The following CNBD1 variants were observed in gnomAD, a reference collection of about 807,000 sequenced individuals.
The protein encoded by CNBD1 is cyclic nucleotide binding domain containing 1, also known as cyclic nucleotide-binding domain-containing protein 1.
CNBD1 carries 71 observed loss-of-function variants against 54.4 expected under a neutral mutation model. The ratio of observed to expected loss-of-function variants is 1.30; its 90% CI spans 1.08 to 1.59. The LOEUF (loss-of-function observed/expected upper bound fraction) is 1.59, where lower values mean the gene tolerates loss of function less well. Ranked by LOEUF, CNBD1 falls within the 40% of genes most tolerant of loss-of-function variation. The probability of loss-of-function intolerance (pLI) is 0.00; values close to 1 mark genes in which losing one functional copy is unlikely to be tolerated. For missense variants in CNBD1, 659 were observed against 518.0 expected (o/e 1.27, Z -2.64); for synonymous variants, 182 against 170.7 (o/e 1.07, Z -0.51).
intron 4 of CNBD1, among the ~76,000 whole-genome samples, chr8:87,134,250 TA>T (rs1812179499): frequency 6.6e-6 from 1 of 152,140 alleles, no homozygotes; most frequent in East Asian, 1.9e-4. Flanking sequence ...CAATGCACAA[TA>T]GTTAACATGG....
At chr8:86,950,350 G>A (rs780036907) in intron 4 of CNBD1, among the ~76,000 whole-genome samples, 2 of 152,096 alleles carry the variant, frequency 1.3e-5, no homozygotes, top group African/African-American at 4.8e-5. Flanking sequence ...TTACAGGCAT[G>A]AGCCACTGTG....
chr8:86,976,550 A>C (rs1413203877), intron 4 of CNBD1, among the ~76,000 whole-genome samples: 1 of 151,976 alleles, frequency 6.6e-6, no homozygotes, highest in Non-Finnish European at 1.5e-5. Flanking sequence ...ATATTAGAAT[A>C]GTTTTTTTCT....
chr8:87,327,792 C>A (rs188595776), intron 8 of CNBD1, among the ~76,000 whole-genome samples: 4 of 152,112 alleles, frequency 2.6e-5, no homozygotes, highest in Admixed American at 2.6e-4. Context: ...AGCTGTAGAC[C>A]GGAGCTGTTC....
intron 10 of CNBD1, among the ~76,000 whole-genome samples, chr8:87,379,338 C>G (rs113402798): frequency 0.019 from 2,830 of 151,924 alleles, 91 homozygotes; most frequent in African/African-American, 0.062. Flanking sequence ...AGAAAGTCAA[C>G]AAGGATACCC....
chr8:87,314,038 G>A (rs1333787688), intron 8 of CNBD1, among the ~76,000 whole-genome samples: 1 of 151,846 alleles, frequency 6.6e-6, no homozygotes, highest in East Asian at 1.9e-4. Flanking sequence ...TGTAATAATA[G>A]CATGAATGCT....
rs948631103 is a variant in CNBD1, at chr8:87,369,428, C to A, written c.1304-13192C>A. Among the ~76,000 whole-genome samples, 2 of 152,010 alleles carry A rather than the reference C, an allele frequency of 1.3e-5. 1 individual carries two copies. Among genetic ancestry groups the A allele is most frequent in the South Asian group, 4.1e-4 (2 of 4,832 alleles). ...CATGCTCTTTATTTTTCATGTGGAACTGAATTACCACATTCTATCCTTCCT... is the reference window on the plus strand; with the variant it reads ...CATGCTCTTTATTTTTCATGTGGAAATGAATTACCACATTCTATCCTTCCT... On this transcript the variant is annotated intron_variant, in intron 10 of 10. Transcript: ENST00000518476.
chr8:87,198,049 G>T (rs1195650809), intron 4 of CNBD1, among the ~76,000 whole-genome samples: 1 of 152,152 alleles, frequency 6.6e-6, no homozygotes, highest in African/African-American at 2.4e-5. Context: ...AGAAAAAATT[G>T]TCAAAATAAA....
intron 4 of CNBD1, among the ~76,000 whole-genome samples, chr8:87,148,336 G>T (rs1002735575): frequency 2.0e-5 from 3 of 152,008 alleles, no homozygotes; most frequent in Admixed American, 2.0e-4. Context: ...TAAATTAATT[G>T]GAACTACTAT....
intron 1 of CNBD1, among the ~76,000 whole-genome samples, chr8:86,883,880 G>T (rs557097971): frequency 7.9e-5 from 12 of 152,168 alleles, no homozygotes; most frequent in African/African-American, 2.6e-4. Flanking sequence ...GGCTGGGCGC[G>T]GTGGCTCACG....
chr8:87,013,071 G>T (rs925180480), intron 4 of CNBD1, among the ~76,000 whole-genome samples: 1 of 152,178 alleles, frequency 6.6e-6, no homozygotes, highest in African/African-American at 2.4e-5. Context: ...CGGCCTCAGA[G>T]AAGACTCAAG....
At chr8:86,997,040 A>G (rs575148751) in intron 4 of CNBD1, among the ~76,000 whole-genome samples, 3 of 152,264 alleles carry the variant, frequency 2.0e-5, no homozygotes, top group Admixed American at 6.5e-5. Context: ...TTCTAATCCC[A>G]TCATCTTGAA....
At chr8:87,257,369 C>CAAAAAAAAAAAAAAAAAA (rs771338208) in intron 6 of CNBD1, among the ~76,000 whole-genome samples, 3 of 67,526 alleles carry the variant, frequency 4.4e-5, no homozygotes, top group African/African-American at 1.1e-4. Context: ...AACTCTATCG[C>CAAAAAAAAAAAAAAAAAA]AAAAAAAAAA....
chr8:86,963,271 G>A (rs914404943), intron 4 of CNBD1, among the ~76,000 whole-genome samples: 2 of 152,106 alleles, frequency 1.3e-5, no homozygotes, highest in African/African-American at 2.4e-5. Flanking sequence ...TCACATTTGA[G>A]TTCCCTAGAC....
chr8:87,027,827 G>T (rs1029252445), intron 4 of CNBD1, among the ~76,000 whole-genome samples: 6 of 152,198 alleles, frequency 3.9e-5, no homozygotes. Context: ...TCCCATTACT[G>T]TATCAAACAT....
At chr8:87,037,318 T>A (rs1307461629) in intron 4 of CNBD1, among the ~76,000 whole-genome samples, 1 of 152,156 alleles carries the variant, frequency 6.6e-6, no homozygotes, top group Admixed American at 6.5e-5. Flanking sequence ...TACTTCTATA[T>A]AAACTTTTTC....
chr8:86,922,403 G>C (rs1176682615), intron 3 of CNBD1, among the ~76,000 whole-genome samples: 1 of 152,018 alleles, frequency 6.6e-6, no homozygotes, highest in East Asian at 1.9e-4. Context: ...AGCAATATTT[G>C]GACCTTTTGG....
At chr8:86,975,472 C>A (rs986097383) in intron 4 of CNBD1, among the ~76,000 whole-genome samples, 12 of 151,984 alleles carry the variant, frequency 7.9e-5, no homozygotes, top group African/African-American at 1.2e-4. Context: ...TAGGTGAGAT[C>A]ATTGAGTATT....
chr8:87,069,139 A>G (rs1462710868), intron 4 of CNBD1, among the ~76,000 whole-genome samples: 1 of 151,904 alleles, frequency 6.6e-6, no homozygotes, highest in Non-Finnish European at 1.5e-5. Flanking sequence ...TTGTAAACGT[A>G]CCCGTTTATA....
intron 4 of CNBD1, among the ~76,000 whole-genome samples, chr8:87,068,957 G>C (rs1294316507): frequency 6.6e-6 from 1 of 152,064 alleles, no homozygotes; most frequent in Non-Finnish European, 1.5e-5. Context: ...CCTATGAATA[G>C]AGCAAGTTCA....
Sources: allele counts gnomAD v4.1 joint callset (sites outside exome capture counted in the v4.1 genomes callset), GRCh38; gene constraint gnomAD v4.1.1; transcripts MANE v1.5; gene names NCBI Gene and HGNC (gene_info 2026-07-23, HGNC 2026-07-21).